The following CACNA2D3 variants were observed in gnomAD, a reference collection of about 807,000 sequenced individuals.
CACNA2D3 encodes calcium voltage-gated channel auxiliary subunit alpha2delta 3.
CACNA2D3 carries 60 observed loss-of-function variants against 160.6 expected under a neutral mutation model. The observed-to-expected ratio is 0.37, with a 90% CI of 0.30 to 0.46. The LOEUF (loss-of-function observed/expected upper bound fraction) is 0.46, where lower values mean the gene tolerates loss of function less well. Among genes scored for constraint, CACNA2D3 ranks in the 20% least tolerant of loss-of-function variants. The pLI is 1.00. For synonymous variants in CACNA2D3, 558 were observed against 492.9 expected (o/e 1.13, Z -1.75); for missense variants, 1,205 against 1,365.0 (o/e 0.88, Z 1.85).
chr3:54,669,750 C>CT (rs1319375032), intron 11 of CACNA2D3, among the ~76,000 whole-genome samples: 1 of 150,776 alleles, frequency 6.6e-6, no homozygotes, highest in African/African-American at 2.4e-5. Flanking sequence ...AAAAAAAAAA[C>CT]TTTTAATTTT....
intron 29 of CACNA2D3, among the ~76,000 whole-genome samples, chr3:54,981,291 A>G (rs142796904): frequency 1.3e-5 from 2 of 152,294 alleles, no homozygotes; most frequent in African/African-American, 4.8e-5. Flanking sequence ...ACTGTATCTT[A>G]GAGTACCCCT....
chr3:54,484,509 G>A (rs1700984369), intron 4 of CACNA2D3, among the ~76,000 whole-genome samples: 1 of 152,150 alleles, frequency 6.6e-6, no homozygotes, highest in Non-Finnish European at 1.5e-5. Context: ...GACCTTTTGT[G>A]ATATGCATGC....
rs958540136 is a variant in CACNA2D3, at chr3:54,399,802, C to G, written c.381+13028C>G. 5.2e-5 allele frequency among the ~76,000 whole-genome samples: 6 copies of G among 116,128 alleles called. 1 individual carries two copies. In the South Asian group the frequency reaches 1.7e-3, roughly 34 times the overall value. 76.2% of individuals were successfully genotyped at this position (116,128 alleles called of 152,430 possible). A position where few individuals can be genotyped will look rare whatever the true frequency, so the allele number is the denominator to read the frequency against. ...CTGTGCCCTGCCCCCAGAGGTGGAG[C>G]CTACAGAGGCAGGCAGGCCTCCTTG... On this transcript the variant is annotated intron_variant, in intron 4 of 37. Transcript: ENST00000474759.
chr3:54,869,342 C>A (rs1459266505), intron 17 of CACNA2D3, among the ~76,000 whole-genome samples: 1 of 152,150 alleles, frequency 6.6e-6, no homozygotes, highest in South Asian at 2.1e-4. Context: ...GCATTATGGG[C>A]AATAAATTGA....
chr3:54,136,746 TAGCCTGC>T (rs1699821992), intron 2 of CACNA2D3, among the ~76,000 whole-genome samples: 1 of 152,246 alleles, frequency 6.6e-6, no homozygotes, highest in Non-Finnish European at 1.5e-5. Flanking sequence ...TGTCAGGCTT[TAGCCTGC>T]AGAAATGTTA....
At chr3:54,402,294 A>G (rs1449045157) in intron 4 of CACNA2D3, among the ~76,000 whole-genome samples, 1 of 152,186 alleles carries the variant, frequency 6.6e-6, no homozygotes, top group African/African-American at 2.4e-5. Flanking sequence ...AATAATTACG[A>G]TGAATGTAAA....
chr3:55,033,584 G>GTATATATATATATA (rs36230201), intron 35 of CACNA2D3, among the ~76,000 whole-genome samples: 1 of 112,808 alleles, frequency 8.9e-6, no homozygotes, highest in East Asian at 2.2e-4. Context: ...ATGTGTGTGT[G>GTATATATATATATA]TATATATATA....
intron 2 of CACNA2D3, among the ~76,000 whole-genome samples, chr3:54,204,179 C>G (rs1396035555): frequency 1.3e-5 from 2 of 152,122 alleles, no homozygotes; most frequent in African/African-American, 4.8e-5. Flanking sequence ...ATTACCCCAC[C>G]AGCTTTTCTG....
intron 4 of CACNA2D3, among the ~76,000 whole-genome samples, chr3:54,391,596 C>T (rs1013099090): frequency 5.9e-5 from 9 of 151,648 alleles, no homozygotes; most frequent in African/African-American, 2.2e-4. Flanking sequence ...CTATAACCTG[C>T]GCCTCCCAGC....
At chr3:54,483,973 AATTG>A (rs1700974303) in intron 4 of CACNA2D3, among the ~76,000 whole-genome samples, 1 of 152,190 alleles carries the variant, frequency 6.6e-6, no homozygotes, top group South Asian at 2.1e-4. Flanking sequence ...TAAGCACTGA[AATTG>A]TTCACATCAG....
intron 4 of CACNA2D3, among the ~76,000 whole-genome samples, chr3:54,497,202 C>A (rs1701215760): frequency 6.6e-6 from 1 of 152,028 alleles, no homozygotes; most frequent in African/African-American, 2.4e-5. Flanking sequence ...TTGGGAAGAA[C>A]TTGCGTCATA....
chr3:54,762,799 C>G (rs1702102949), intron 12 of CACNA2D3, among the ~76,000 whole-genome samples: 1 of 152,178 alleles, frequency 6.6e-6, no homozygotes, highest in Non-Finnish European at 1.5e-5. Flanking sequence ...GCTTAGAAAT[C>G]ATGTCTACCT....
chr3:54,281,386 G>T (rs1430710075), intron 2 of CACNA2D3, among the ~76,000 whole-genome samples: 1 of 152,148 alleles, frequency 6.6e-6, no homozygotes, highest in Non-Finnish European at 1.5e-5. Context: ...CTACCTGCCT[G>T]TGTCAGACCA....
intron 31 of CACNA2D3, among the ~76,000 whole-genome samples, chr3:55,003,527 T>G (rs547312854): frequency 1.3e-5 from 2 of 152,038 alleles, no homozygotes; most frequent in Non-Finnish European, 1.5e-5. Flanking sequence ...GGAATCATAG[T>G]AGAATGGTTA....
At chr3:54,533,353 T>G (rs1701835251) in intron 5 of CACNA2D3, among the ~76,000 whole-genome samples, 1 of 95,346 alleles carries the variant, frequency 1.0e-5, no homozygotes. Flanking sequence ...TTTTTTTTTT[T>G]GAGACAGAGT....
chr3:54,265,556 G>GTGTA (rs1702485146), intron 2 of CACNA2D3, among the ~76,000 whole-genome samples: 1 of 78,618 alleles, frequency 1.3e-5, no homozygotes, highest in South Asian at 4.6e-4. Context: ...GTGTGTGTGT[G>GTGTA]TATAGTGTGT....
chr3:54,141,166 C>A (rs1395529779), intron 2 of CACNA2D3, among the ~76,000 whole-genome samples: 1 of 151,352 alleles, frequency 6.6e-6, no homozygotes, highest in African/African-American at 2.4e-5. Flanking sequence ...ATGATCAATT[C>A]TCATTCTTGG....
chr3:54,235,145 T>C (rs747271883), intron 2 of CACNA2D3, among the ~76,000 whole-genome samples: 15 of 152,194 alleles, frequency 9.9e-5, no homozygotes, highest in Non-Finnish European at 2.2e-4. Context: ...GGGGCATTCA[T>C]AGTGTCCTAA....
chr3:54,548,377 G>T (rs1702098950), intron 5 of CACNA2D3, among the ~76,000 whole-genome samples: 1 of 152,206 alleles, frequency 6.6e-6, no homozygotes, highest in East Asian at 1.9e-4. Context: ...TTAAAAGGTT[G>T]TGTTCTACCT....
Sources: allele counts gnomAD v4.1 joint callset (sites outside exome capture counted in the v4.1 genomes callset), GRCh38; gene constraint gnomAD v4.1.1; transcripts MANE v1.5; gene names NCBI Gene and HGNC (gene_info 2026-07-23, HGNC 2026-07-21).